Variants in ZNF490 observed in about 807,000 individuals in gnomAD.
ZNF490 encodes the protein zinc finger protein 490.
ZNF490 carries 11 observed loss-of-function variants against 17.7 expected under a neutral mutation model. That is an observed-to-expected ratio of 0.62 (90% CI 0.39 to 1.03). The LOEUF is 1.03. Ranked by LOEUF, ZNF490 falls within the 50% of genes least tolerant of loss-of-function variation. ZNF490 has a pLI of 0.00. For synonymous variants in ZNF490, 222 were observed against 216.1 expected, an observed-to-expected ratio of 1.03 and a Z score of -0.24; for missense variants, 542 against 643.4, an observed-to-expected ratio of 0.84 and a Z score of 1.71.
At chr19:12,593,173 T>A (rs1017226609) in intron 2 of ZNF490, among the ~76,000 whole-genome samples, 32 of 152,060 alleles carry the variant, frequency 2.1e-4, no homozygotes, top group Non-Finnish European at 8.8e-5. Context: ...GGGATTACCC[T>A]CTGTAGAGGT....
intron 2 of ZNF490, among the ~76,000 whole-genome samples, chr19:12,599,882 A>G (rs2022980572): frequency 6.6e-6 from 1 of 152,200 alleles, no homozygotes; most frequent in African/African-American, 2.4e-5. Flanking sequence ...GCTAAAGTTA[A>G]AGGGGGTATT....
intron 2 of ZNF490, among the ~76,000 whole-genome samples, chr19:12,607,819 G>C (rs991093938): frequency 6.6e-6 from 1 of 152,018 alleles, no homozygotes; most frequent in Admixed American, 6.6e-5. Flanking sequence ...GGCCAGGATT[G>C]ATAGCTTCCC....
chr19:12,610,364 GC>G lies in ZNF490; in HGVS notation c.117+199del, dbSNP rs1430250275. The stretch of plus-strand genomic sequence containing the variant: ...TGGGACTACGGGTGTGCGCCACCAA[GC>G]CCTGCCTTGGGGTTCCTTTTCTAAA... On this transcript the variant is annotated intron_variant, in intron 1 of 4. Transcript: ENST00000311437. 3.8e-5 allele frequency among the ~76,000 whole-genome samples: 5 copies of G among 129,942 alleles called. No individual in the cohort carries two copies. In the East Asian group the frequency reaches 1.3e-3, roughly 33 times the overall value. 85.2% of individuals were successfully genotyped at this position (129,942 alleles called of 152,430 possible).
chr19:12,600,260 G>A (rs1436416001), intron 2 of ZNF490, among the ~76,000 whole-genome samples: 4 of 151,836 alleles, frequency 2.6e-5, no homozygotes, highest in South Asian at 2.1e-4. Flanking sequence ...CCAGCTACTC[G>A]GGAGGCTGAG....
Position 12,580,420 on chromosome 19 carries a change from CGT to C in ZNF490, c.*63_*64del. 6.6e-7 allele frequency: 1 copy of C among 1,512,946 alleles called. No homozygotes were observed. The highest frequency in any genetic ancestry group is 2.2e-5 in the Admixed American group (1 of 44,524). The allele number at this position is 1,512,946 out of a possible 1,614,324, so 93.7% of individuals were successfully genotyped here. On this transcript the variant is annotated 3_prime_UTR_variant, in exon 5 of 5. Transcript: ENST00000311437. ...TTACATTCCTTGAATTTCTCTCCAG[CGT>C]AAGTACTCTCATACATCCAAAAGGA...
chr19:12,583,065 A>G (rs920352292), intron 3 of ZNF490, among the ~76,000 whole-genome samples, 155 bp from the exon 4 acceptor site: 3 of 147,450 alleles, frequency 2.0e-5, no homozygotes, highest in Non-Finnish European at 3.0e-5. Flanking sequence ...TTTTTTTGAG[A>G]CAGAGTCTCG....
chr19:12,608,347 C>T (rs1242268827), intron 2 of ZNF490, among the ~76,000 whole-genome samples: 3 of 152,026 alleles, frequency 2.0e-5, no homozygotes, highest in African/African-American at 7.2e-5. Flanking sequence ...GCAGTGGCAC[C>T]ATCACAGGTC....
In ZNF490 at chr19:12,581,612, G is replaced by A; in HGVS notation, c.463C>T (p.Pro155Ser). Residue 155 changes from proline to serine, a missense_variant, in exon 5 of 5, where the codon CCA becomes TCA. Coordinates refer to ENST00000311437, the MANE Select transcript of ZNF490 (RefSeq NM_020714.3). ...TNLETPTGLK[P>S]CDCSVCGEVF... ...TCCCCACACACACTGCAGTCACATGGTTTTAATCCAGTAGGAGTTTCCAGG... is the reference window on the plus strand; with the variant it reads ...TCCCCACACACACTGCAGTCACATGATTTTAATCCAGTAGGAGTTTCCAGG... The A allele has an allele frequency of 6.2e-7, 1 of 1,614,166 alleles. No individual in the cohort carries two copies. Among genetic ancestry groups the A allele is most frequent in the Non-Finnish European group, 8.5e-7 (1 of 1,180,038 alleles).
At chr19:12,602,420 G>A (rs1003640324) in intron 2 of ZNF490, among the ~76,000 whole-genome samples, 1 of 152,016 alleles carries the variant, frequency 6.6e-6, no homozygotes, top group African/African-American at 2.4e-5. Context: ...CATGGTGGCA[G>A]GCACCTGTAG....
Position 12,581,362 on chromosome 19 carries a change from C to T in ZNF490, c.713G>A (p.Arg238Gln), listed in dbSNP as rs778202562. 27 of 1,613,528 alleles carry T rather than the reference C, an allele frequency of 1.7e-5. No individual in the cohort carries two copies. Among genetic ancestry groups the T allele is most frequent in the South Asian group, 1.4e-4 (13 of 91,072 alleles). The change falls in exon 5 of 5, where the codon CGA (arginine) becomes CAA (glutamine). Residue 238 changes from arginine to glutamine, a missense_variant. Physicochemically the swap from Arg to Gln is conservative, Grantham distance 43. Transcript: ENST00000311437. The stretch of plus-strand genomic sequence containing the variant: ...TCCAGTATGAATTCTTATATGGTTT[C>T]GAAAGGAAAAGAGAAATGCGAAGGC... ...GKAFAFLFSFRNHIRIHTGET... is the reference protein window; with the variant it reads ...GKAFAFLFSFQNHIRIHTGET...
chr19:12,583,791 C>CTCTCTCTCTATA (rs1315571249), intron 2 of ZNF490, among the ~76,000 whole-genome samples: 8 of 68,112 alleles, frequency 1.2e-4, no homozygotes, highest in Non-Finnish European at 1.8e-4. Context: ...CTCTCTCTCT[C>CTCTCTCTCTATA]TATATATATA....
At chr19:12,584,333 T>A (rs1390333165) in intron 2 of ZNF490, among the ~76,000 whole-genome samples, 2 of 88,428 alleles carry the variant, frequency 2.3e-5, no homozygotes, top group East Asian at 2.1e-4. Context: ...ATTTTTTGTA[T>A]TTTTAGTAGA....
intron 2 of ZNF490, among the ~76,000 whole-genome samples, chr19:12,605,078 T>C (rs978477138): frequency 3.3e-5 from 5 of 150,836 alleles, no homozygotes; most frequent in Admixed American, 1.3e-4. Flanking sequence ...ATTTGAACCC[T>C]GGAGATGGAG....
chr19:12,578,608 C>T lies in ZNF490; in HGVS notation c.*1877G>A. 1 of 985,486 alleles carries T rather than the reference C, an allele frequency of 1.0e-6. No homozygotes were observed. Among genetic ancestry groups the T allele is most frequent in the Non-Finnish European group, 1.2e-6 (1 of 829,964 alleles). The allele number at this position is 985,486 out of a possible 1,614,324, so 61.0% of individuals were successfully genotyped here. A position where few individuals can be genotyped will look rare whatever the true frequency, so the allele number is the denominator to read the frequency against. On this transcript the variant is annotated 3_prime_UTR_variant, in exon 5 of 5. Transcript: ENST00000311437. ...GTCTGTGAATTAGGATGTGCATAGG[C>T]AGATCCCACTTGGGGAAAAACTGTA...
chr19:12,581,077 G>A lies in ZNF490; in HGVS notation c.998C>T (p.Pro333Leu), dbSNP rs2022726105. ...TCTCCCACATTCCCTACATACAAAA[G>A]GTTTCTCTCCAGTATGAGTTTTCTC... The part of the protein sequence containing the change: ...SHEKTHTGEK[P>L]FVCRECGRAF... Residue 333 changes from proline (P) to leucine (L), a missense_variant, in exon 5 of 5, where the codon CCT (proline) becomes CTT (leucine). Transcript: ENST00000311437. 5 of 1,613,904 alleles carry A rather than the reference G, an allele frequency of 3.1e-6. No homozygotes were observed. Among genetic ancestry groups the A allele is most frequent in the Non-Finnish European group, 2.5e-6 (3 of 1,179,962 alleles).
In ZNF490 at chr19:12,586,732, G is replaced by A. The variant is rs551139567; in HGVS notation, c.163-3176C>T. 5.4e-5 allele frequency among the ~76,000 whole-genome samples: 5 copies of A among 92,792 alleles called. No individual in the cohort carries two copies. In the East Asian group the frequency reaches 1.0e-3, roughly 19 times the overall value. The allele number at this position is 92,792 out of a possible 152,430, so 60.9% of individuals were successfully genotyped here. A position where few individuals can be genotyped will look rare whatever the true frequency, so the allele number is the denominator to read the frequency against. On this transcript the variant is annotated intron_variant, in intron 2 of 4. Transcript: ENST00000311437. ...GAGTCTTACTCTGTTGCCTAGGCTG[G>A]ATTGCAGTGACACAATCTCAGCTCA...
At chr19:12,594,253 G>A (rs1410362471) in intron 2 of ZNF490, among the ~76,000 whole-genome samples, 1 of 152,010 alleles carries the variant, frequency 6.6e-6, no homozygotes, top group Admixed American at 6.6e-5. Flanking sequence ...ATCACTGGAG[G>A]TCAGGAGTTT....
At position 12,584,324 on chromosome 19, in the gene ZNF490, T is replaced by C. The variant is rs1452004711; in HGVS notation, c.163-768A>G. On this transcript the variant is annotated intron_variant, in intron 2 of 4. Coordinates refer to ENST00000311437, the MANE Select transcript of ZNF490 (RefSeq NM_020714.3). ...GGCGCGTGCCACCACGCCCAGCTAATTTTTTGTATTTTTAGTAGAGACGGG... is the reference window on the plus strand; with the variant it reads ...GGCGCGTGCCACCACGCCCAGCTAACTTTTTGTATTTTTAGTAGAGACGGG... Among the ~76,000 whole-genome samples, 2 of 88,126 alleles carry C rather than the reference T, an allele frequency of 2.3e-5. 1 individual carries two copies. The highest frequency in any genetic ancestry group is 6.8e-5 in the African/African-American group (2 of 29,214). The allele number at this position is 88,126 out of a possible 152,430, so 57.8% of individuals were successfully genotyped here.
At chr19:12,594,871 G>A (rs569431221) in intron 2 of ZNF490, among the ~76,000 whole-genome samples, 11 of 152,236 alleles carry the variant, frequency 7.2e-5, no homozygotes, top group African/African-American at 2.6e-4. Context: ...TACATTTAGT[G>A]GGATCTCCAG....
Sources: gnomAD v4.1 joint callset for allele counts (sites outside exome capture counted in the v4.1 genomes callset) on GRCh38, gnomAD v4.1.1 for gene constraint, MANE v1.5 for transcripts, NCBI Gene and HGNC (gene_info 2026-07-23, HGNC 2026-07-21) for gene names.